Variants in SCN11A observed in about 807,000 individuals in gnomAD.
SCN11A encodes sodium voltage-gated channel alpha subunit 11, also known as sodium channel protein type 11 subunit alpha.
A neutral mutation model predicts 162.2 loss-of-function variants in SCN11A; 122 were observed. The observed-to-expected ratio is 0.75, with a 90% CI of 0.65 to 0.87. The LOEUF (loss-of-function observed/expected upper bound fraction) is 0.87. Among genes scored for constraint, SCN11A ranks in the 40% least tolerant of loss-of-function variants. SCN11A has a pLI of 0.00. For synonymous variants in SCN11A, 758 were observed against 751.5 expected (o/e 1.01, Z -0.14); for missense variants, 2,015 against 2,181.6 (o/e 0.92, Z 1.52).
intron 2 of SCN11A, among the ~76,000 whole-genome samples, chr3:38,991,029 A>G (rs1007167501): frequency 9.2e-5 from 14 of 152,194 alleles, no homozygotes; most frequent in Non-Finnish European, 1.5e-4. Context: ...AATCATGTAT[A>G]TGGTTTTTTG....
At chr3:38,915,048 T>A (rs1220441400) in intron 11 of SCN11A, among the ~76,000 whole-genome samples, 1 of 152,154 alleles carries the variant, frequency 6.6e-6, no homozygotes, top group Non-Finnish European at 1.5e-5. Context: ...TCTGTAGGAA[T>A]GGTACCTGCT....
rs773728827 is a variant in SCN11A at position 38,850,576 on chromosome 3, A to T, written c.4232T>A (p.Leu1411Ter). 6.2e-7 allele frequency: 1 copy of T among 1,613,982 alleles called. No homozygotes were observed. The highest frequency in any genetic ancestry group is 1.1e-5 in the South Asian group (1 of 91,076). ...LNWVFVVIFT[L>*]ECLIKIFALR... ...AGCAAAGATTTTGATGAGACATTCTAACGTAAAGATGACCACAAAGACCCA... is the reference window on the plus strand; with the variant it reads ...AGCAAAGATTTTGATGAGACATTCTTACGTAAAGATGACCACAAAGACCCA... The change falls in exon 29 of 30, where the codon TTA becomes TAA. Residue 1411 changes from leucine (L) to a stop codon, truncating the protein, a stop_gained. Coordinates refer to ENST00000302328, the MANE Select transcript of SCN11A (RefSeq NM_001349253.2). LOFTEE classifies it high-confidence loss of function.
At chr3:38,900,731 C>T (rs942487795) in intron 16 of SCN11A, among the ~76,000 whole-genome samples, 1 of 150,114 alleles carries the variant, frequency 6.7e-6, no homozygotes, top group Non-Finnish European at 1.5e-5. Context: ...AATCCTAAAA[C>T]TCATTCAGAA....
intron 8 of SCN11A, 119 bp downstream of exon 8, chr3:38,926,683 GC>G: frequency 9.8e-7 from 1 of 1,025,172 alleles, no homozygotes; most frequent in Non-Finnish European, 1.4e-6. Context: ...AGCACTCAGA[GC>G]TCTAGGCATT....
intron 2 of SCN11A, among the ~76,000 whole-genome samples, chr3:39,004,046 T>C (rs551407020): frequency 2.4e-3 from 369 of 152,338 alleles, no homozygotes; most frequent in South Asian, 0.015. Context: ...CTGTCAAATT[T>C]TGCTTTTGTT....
chr3:38,995,605 C>T (rs1242928015), intron 2 of SCN11A, among the ~76,000 whole-genome samples: 1 of 152,112 alleles, frequency 6.6e-6, no homozygotes, highest in East Asian at 1.9e-4. Context: ...TTCCCACCTG[C>T]CTGTTTGAGC....
At chr3:38,911,105 A>G (rs140949618) in intron 11 of SCN11A, among the ~76,000 whole-genome samples, 1 of 152,228 alleles carries the variant, frequency 6.6e-6, no homozygotes, top group East Asian at 1.9e-4. Context: ...TGATTTATCA[A>G]TTGTAGTTCG....
chr3:38,864,372 A>C (rs1032927728), intron 27 of SCN11A, among the ~76,000 whole-genome samples: 2 of 152,188 alleles, frequency 1.3e-5, no homozygotes, highest in African/African-American at 4.8e-5. Flanking sequence ...TTAGTCTTTT[A>C]GTAATCATAT....
chr3:38,912,327 TTATCACTCACTC>T (rs1347688947), intron 11 of SCN11A, among the ~76,000 whole-genome samples: 1 of 152,064 alleles, frequency 6.6e-6, no homozygotes, highest in Non-Finnish European at 1.5e-5. Context: ...GCTAATGACA[TTATCACTCACTC>T]ACACTGATAT....
chr3:38,960,116 C>T (rs1002155242), intron 3 of SCN11A, among the ~76,000 whole-genome samples, 167 bp downstream of exon 3: 2 of 152,100 alleles, frequency 1.3e-5, no homozygotes, highest in Non-Finnish European at 2.9e-5. Context: ...ATGGACTCCA[C>T]CAGCTGAGCC....
At chr3:39,031,974 T>C (rs2031771503) in intron 2 of SCN11A, among the ~76,000 whole-genome samples, 1 of 152,186 alleles carries the variant, frequency 6.6e-6, no homozygotes, top group African/African-American at 2.4e-5. Context: ...AAAAAGTACA[T>C]TTTACTAACA....
At chr3:39,033,655 G>A (rs1338033210) in intron 1 of SCN11A, among the ~76,000 whole-genome samples, 2 of 152,132 alleles carry the variant, frequency 1.3e-5, no homozygotes, top group Admixed American at 1.3e-4. Context: ...GCTATCATTA[G>A]GCATTCACAG....
chr3:38,971,985 A>G (rs993686926), intron 2 of SCN11A, among the ~76,000 whole-genome samples: 2 of 152,188 alleles, frequency 1.3e-5, no homozygotes, highest in African/African-American at 4.8e-5. Flanking sequence ...AGGGGGAAGA[A>G]GCACTCACTA....
Position 39,051,849 on chromosome 3 carries a change from A to T in SCN11A, c.-404+12T>A. On this transcript the variant is annotated intron_variant, in intron 1 of 29. Coordinates refer to ENST00000302328, the MANE Select transcript of SCN11A (RefSeq NM_001349253.2). Reference sequence around the variant, plus strand: ...ATACTTGCACAGTGGTTTTGTTTTTAGGTGCATCTACCTCATCACATGGCT... The same window carrying T: ...ATACTTGCACAGTGGTTTTGTTTTTTGGTGCATCTACCTCATCACATGGCT... The T allele has an allele frequency of 1.5e-6, 1 of 676,946 alleles. No homozygotes were observed. The allele number at this position is 676,946 out of a possible 1,614,324, so 41.9% of individuals were successfully genotyped here.
At chr3:38,901,793 C>A (rs1020979778) in intron 16 of SCN11A, among the ~76,000 whole-genome samples, 1 of 152,174 alleles carries the variant, frequency 6.6e-6, no homozygotes, top group Non-Finnish European at 1.5e-5. Context: ...GGAATGGAAA[C>A]ACAAGCTATG....
intron 26 of SCN11A, among the ~76,000 whole-genome samples, chr3:38,869,125 A>C (rs1043325142): frequency 6.6e-6 from 1 of 152,198 alleles, no homozygotes; most frequent in African/African-American, 2.4e-5. Context: ...AGAAGCCAGC[A>C]TACAACAACC....
intron 29 of SCN11A, 28 bp downstream of exon 29, chr3:38,850,453 A>T (rs2064756275): frequency 6.3e-7 from 1 of 1,586,400 alleles, no homozygotes; most frequent in African/African-American, 1.4e-5. Flanking sequence ...TGGTTCTTAA[A>T]GTCCCTCTGA....
At chr3:38,967,322 G>C (rs1356417459) in intron 2 of SCN11A, among the ~76,000 whole-genome samples, 3 of 152,198 alleles carry the variant, frequency 2.0e-5, no homozygotes, top group Non-Finnish European at 4.4e-5. Flanking sequence ...AAAGGGCATT[G>C]CAAGTTTTGT....
At position 38,870,236 on chromosome 3, in the gene SCN11A, T is replaced by C. The variant is rs532646526; in HGVS notation, c.3813+455A>G. 2.0e-5 allele frequency among the ~76,000 whole-genome samples: 3 copies of C among 152,310 alleles called. No individual in the cohort carries two copies. In the South Asian group the frequency reaches 6.2e-4, roughly 32 times the overall value. On this transcript the variant is annotated intron_variant, in intron 26 of 29. Coordinates refer to ENST00000302328, the MANE Select transcript of SCN11A (RefSeq NM_001349253.2). ...CTGGTCATCACTAGAAACTCTAAAA[T>C]TCAACAGTTGGCCATCACTAGGGAG...
Sources: allele counts gnomAD v4.1 joint callset (sites outside exome capture counted in the v4.1 genomes callset), GRCh38; gene constraint gnomAD v4.1.1; transcripts MANE v1.5; gene names NCBI Gene and HGNC (gene_info 2026-07-23, HGNC 2026-07-21).